The following GTF2E2 variants were observed in gnomAD, a reference collection of about 807,000 sequenced individuals.
GTF2E2 encodes transcription initiation factor IIE subunit beta.
A neutral mutation model predicts 40.5 loss-of-function variants in GTF2E2; 21 were observed. The ratio of observed to expected loss-of-function variants is 0.52; its 90% CI spans 0.37 to 0.75. The LOEUF (loss-of-function observed/expected upper bound fraction) is 0.75, where lower values mean the gene tolerates loss of function less well. GTF2E2 is among the 30% of genes least tolerant of loss of function. The probability of loss-of-function intolerance (pLI) is 0.00; values close to 1 mark genes in which losing one functional copy is unlikely to be tolerated. For missense variants in GTF2E2, 298 were observed against 338.4 expected, an observed-to-expected ratio of 0.88 and a Z score of 0.94; for synonymous variants, 117 against 121.6, an observed-to-expected ratio of 0.96 and a Z score of 0.25.
At chr8:30,630,941 G>A (rs1032263075) in intron 3 of GTF2E2, among the ~76,000 whole-genome samples, 6 of 151,974 alleles carry the variant, frequency 3.9e-5, no homozygotes, top group Non-Finnish European at 5.9e-5. Flanking sequence ...GTCCAAGAAC[G>A]CATTGCTCTT....
chr8:30,621,243 T>C (rs1801092369), intron 3 of GTF2E2, among the ~76,000 whole-genome samples: 1 of 152,072 alleles, frequency 6.6e-6, no homozygotes, highest in Admixed American at 6.6e-5. Flanking sequence ...TAAAAATTAC[T>C]AGCCTTGTAC....
chr8:30,627,845 C>T (rs1801332784), intron 3 of GTF2E2, among the ~76,000 whole-genome samples: 1 of 152,180 alleles, frequency 6.6e-6, no homozygotes, highest in African/African-American at 2.4e-5. Context: ...AAATAGTAGG[C>T]CATCCTTTAC....
chr8:30,620,239 A>AACACAC (rs145330914), intron 3 of GTF2E2, among the ~76,000 whole-genome samples: 3 of 150,506 alleles, frequency 2.0e-5, no homozygotes, highest in South Asian at 2.1e-4. Flanking sequence ...CACACACACA[A>AACACAC]ACACACACAC....
chr8:30,583,400 G>C (rs954186240), intron 6 of GTF2E2, among the ~76,000 whole-genome samples: 3 of 150,014 alleles, frequency 2.0e-5, no homozygotes, highest in African/African-American at 7.6e-5. Flanking sequence ...TGTTTGTTGA[G>C]ACAGGGTCTC....
At chr8:30,654,111 G>C in intron 1 of GTF2E2, among the ~76,000 whole-genome samples, 1 of 146,320 alleles carries the variant, frequency 6.8e-6, no homozygotes, top group Middle Eastern at 3.6e-3. Flanking sequence ...AAAAAAGAAA[G>C]AAAGAAAAGA....
intron 3 of GTF2E2, among the ~76,000 whole-genome samples, chr8:30,627,581 C>A (rs1801325508): frequency 6.6e-6 from 1 of 151,988 alleles, no homozygotes; most frequent in East Asian, 1.9e-4. Flanking sequence ...ATAATCCCAG[C>A]ACTTTGGGAG....
chr8:30,584,652 C>G (rs1828620321), intron 6 of GTF2E2: 1 of 152,138 alleles, frequency 6.6e-6, no homozygotes, highest in Admixed American at 6.6e-5. Flanking sequence ...GTGTAACTGC[C>G]ATAGAAGGGA....
At chr8:30,651,354 A>G (rs1802270224) in intron 2 of GTF2E2, among the ~76,000 whole-genome samples, 2 of 152,296 alleles carry the variant, frequency 1.3e-5, no homozygotes, top group Admixed American at 1.3e-4. Context: ...GTTACAGAAT[A>G]CAAGATCAAT....
chr8:30,601,009 G>C (rs999756975), intron 6 of GTF2E2, among the ~76,000 whole-genome samples: 1 of 152,122 alleles, frequency 6.6e-6, no homozygotes, highest in East Asian at 1.9e-4. Flanking sequence ...GTTTTCAATG[G>C]GTCTTCCCTG....
intron 1 of GTF2E2, chr8:30,657,564 T>C (rs1456751992): frequency 2.6e-5 from 4 of 152,078 alleles, no homozygotes; most frequent in Non-Finnish European, 5.9e-5. Context: ...AGTTTAGGGA[T>C]CATCACAAAC....
intron 6 of GTF2E2, among the ~76,000 whole-genome samples, chr8:30,605,892 C>T (rs536411365): frequency 1.3e-5 from 2 of 152,292 alleles, no homozygotes; most frequent in South Asian, 4.1e-4. Context: ...AACTCCTAGC[C>T]TGAAGCGATC....
chr8:30,649,881 T>C (rs1234452548), intron 2 of GTF2E2, among the ~76,000 whole-genome samples: 1 of 152,056 alleles, frequency 6.6e-6, no homozygotes, highest in Admixed American at 6.6e-5. Flanking sequence ...AATAAACTTC[T>C]AAAAAGCCAC....
intron 6 of GTF2E2, among the ~76,000 whole-genome samples, chr8:30,602,365 A>G (rs1054921171): frequency 6.6e-6 from 1 of 152,210 alleles, no homozygotes; most frequent in African/African-American, 2.4e-5. Context: ...GAATAAAAAT[A>G]TATTTTCATT....
Position 30,612,429 on chromosome 8 carries a change from T to G in GTF2E2, c.419A>C (p.Lys140Thr). The G allele has an allele frequency of 6.2e-7, 1 of 1,613,040 alleles. No individual in the cohort carries two copies. The highest frequency in any genetic ancestry group is 8.5e-7 in the Non-Finnish European group (1 of 1,179,198). ...IEVIDGKYAF[K>T]PKYNVRDKKA... ...CTTATCTCTCACGTTGTACTTGGGC[T>G]TGAAAGCATACTTCCCATCTATTAC... is the stretch of plus-strand genomic sequence containing the variant. The change falls in exon 5 of 8, where the codon AAG becomes ACG. Residue 140 changes from lysine (K) to threonine (T), a missense_variant. Transcript: ENST00000355904.
At chr8:30,635,539 TG>T (rs1389501212) in intron 2 of GTF2E2, among the ~76,000 whole-genome samples, 1 of 152,052 alleles carries the variant, frequency 6.6e-6, no homozygotes, top group Non-Finnish European at 1.5e-5. Context: ...CACACCACCA[TG>T]CCTGGCTAAT....
chr8:30,579,446 A>G (rs185064146), intron 7 of GTF2E2, among the ~76,000 whole-genome samples: 8 of 152,350 alleles, frequency 5.3e-5, no homozygotes, highest in Admixed American at 5.2e-4. Context: ...AATATTCTCT[A>G]TTCTTTTCTA....
chr8:30,619,682 T>C (rs1801029833), intron 3 of GTF2E2, among the ~76,000 whole-genome samples: 1 of 152,002 alleles, frequency 6.6e-6, no homozygotes, highest in Non-Finnish European at 1.5e-5. Flanking sequence ...CCACTGCGCC[T>C]GGCCAAACTG....
At chr8:30,619,125 A>G (rs1405850620) in intron 3 of GTF2E2, among the ~76,000 whole-genome samples, 2 of 152,018 alleles carry the variant, frequency 1.3e-5, no homozygotes, top group African/African-American at 4.8e-5. Flanking sequence ...TATTTTTAGT[A>G]AAGACGAGGT....
At chr8:30,610,569 A>C (rs1191548106) in intron 5 of GTF2E2, among the ~76,000 whole-genome samples, 3 of 152,194 alleles carry the variant, frequency 2.0e-5, no homozygotes, top group Admixed American at 6.5e-5. Flanking sequence ...GATCTTCCAC[A>C]TGAGTACCAA....
Sources: allele counts gnomAD v4.1 joint callset (sites outside exome capture counted in the v4.1 genomes callset), GRCh38; gene constraint gnomAD v4.1.1; transcripts MANE v1.5; gene names NCBI Gene and HGNC (gene_info 2026-07-23, HGNC 2026-07-21).